The following IGSF10 variants were observed in gnomAD, a reference collection of about 807,000 sequenced individuals.
The protein encoded by IGSF10 is calvaria mechanical force protein 608.
IGSF10 carries 126 observed loss-of-function variants against 128.2 expected under a neutral mutation model. The observed-to-expected ratio is 0.98, with a 90% CI of 0.85 to 1.14. The LOEUF (loss-of-function observed/expected upper bound fraction) is 1.14, where lower values mean the gene tolerates loss of function less well. IGSF10 is among the 50% of genes most tolerant of loss of function. The probability of loss-of-function intolerance (pLI) is 0.00; values close to 1 mark genes in which losing one functional copy is unlikely to be tolerated. For missense variants in IGSF10, 3,295 were observed against 3,149.8 expected (o/e 1.05, Z -1.10); for synonymous variants, 1,185 against 1,146.2 (o/e 1.03, Z -0.68).
intron 7 of IGSF10, among the ~76,000 whole-genome samples, chr3:151,438,899 G>A (rs937127): frequency 0.86 from 130,212 of 151,678 alleles, 56,167 homozygotes; most frequent in Middle Eastern, 0.97. Context: ...TAACTAGCAT[G>A]TCCATCACCT....
In IGSF10 at chr3:151,453,431, C is replaced by A; in HGVS notation, c.668G>T (p.Cys223Phe). The A allele has an allele frequency of 1.2e-6, 2 of 1,610,746 alleles. No homozygotes were observed. Among genetic ancestry groups the A allele is most frequent in the South Asian group, 2.2e-5 (2 of 89,984 alleles). Residue 223 changes from cysteine (C) to phenylalanine (F), a missense_variant, in exon 5 of 8, where the codon TGT becomes TTT. Physicochemically the swap from Cys to Phe is radical, Grantham distance 205. Coordinates refer to ENST00000282466, the MANE Select transcript of IGSF10 (RefSeq NM_178822.5). The stretch of plus-strand genomic sequence containing the variant: ...AGACAACCACTTTAAATGGCAATCA[C>A]AGGTCCATGGGTTTCCATGCAGGTA... ...SLYLHGNPWTCDCHLKWLSDW... is the reference protein window; with the variant it reads ...SLYLHGNPWTFDCHLKWLSDW...
chr3:151,614,564 C>T, the IGSF10 span, among the ~76,000 whole-genome samples: 16 of 151,956 alleles, frequency 1.1e-4, no homozygotes, highest in Non-Finnish European at 1.6e-4. Flanking sequence ...AGCAAACTAT[C>T]GCAAGGACAA....
chr3:151,444,957 T>C lies in IGSF10; in HGVS notation c.5024A>G (p.Asn1675Ser). 2 of 1,613,248 alleles carry C rather than the reference T, an allele frequency of 1.2e-6. No homozygotes were observed. The highest frequency in any genetic ancestry group is 1.1e-5 in the South Asian group (1 of 90,778). The change falls in exon 6 of 8, where the codon AAT becomes AGT. Residue 1675 changes from asparagine to serine, a missense_variant. Physicochemically the swap from Asn to Ser is conservative, Grantham distance 46. Transcript: ENST00000282466. ...GGTCCAATGAATGGTGGGCAGGGGA[T>C]TTCCAACAGCTTCACAGGGAAGAAA... ...DAFLPCEAVG[N>S]PLPTIHWTRV... is the part of the protein sequence containing the mutation.
At chr3:151,512,320 G>A in the IGSF10 span, among the ~76,000 whole-genome samples, 52,582 of 151,844 alleles carry the variant, frequency 0.35, 9,487 homozygotes, top group Middle Eastern at 0.45. Context: ...ACTCAAAACC[G>A]CTCAACTACA....
At chr3:151,443,992 A>G in intron 6 of IGSF10, 108 bp from the exon 7 acceptor site, 1 of 866,074 alleles carries the variant, frequency 1.2e-6, no homozygotes, top group Non-Finnish European at 1.7e-6. Context: ...TTAAAATGAA[A>G]GCCCAGCCCT....
the IGSF10 span, among the ~76,000 whole-genome samples, chr3:151,563,077 C>T: frequency 2.0e-5 from 3 of 151,266 alleles, no homozygotes; most frequent in African/African-American, 7.3e-5. Context: ...TTGGCCACTC[C>T]CGGATTCCTT....
downstream of IGSF10, chr3:151,435,245 T>A (rs1720010655): frequency 2.4e-5 from 1 of 41,112 alleles, no homozygotes; most frequent in Non-Finnish European, 4.7e-5. Flanking sequence ...TGGAGTCAGC[T>A]ATACCTATCA....
In IGSF10 at chr3:151,447,896, AC is replaced by A. The variant is rs1401266681; in HGVS notation, c.2084del (p.Gly695ValfsTer9). The A allele has an allele frequency of 6.2e-7, 1 of 1,614,030 alleles. No individual in the cohort carries two copies. Among genetic ancestry groups the A allele is most frequent in the Non-Finnish European group, 8.5e-7 (1 of 1,179,994 alleles). On this transcript the variant is annotated frameshift_variant, in exon 6 of 8. Coordinates refer to ENST00000282466, the MANE Select transcript of IGSF10 (RefSeq NM_178822.5). LOFTEE classifies it high-confidence loss of function. ...NPIAHLKEPP[G>X]AQLRTSALME... Reference sequence around the variant, plus strand: ...TCAGAGCAGATGTACGGAGTTGTGCACCTGGTGGCTCCTTAAGATGAGCAAT... The same window carrying A: ...TCAGAGCAGATGTACGGAGTTGTGCACTGGTGGCTCCTTAAGATGAGCAAT...
the IGSF10 span, among the ~76,000 whole-genome samples, chr3:151,515,221 A>G: frequency 1.3e-5 from 2 of 151,930 alleles, no homozygotes; most frequent in South Asian, 2.1e-4. Flanking sequence ...ACCAACCCAA[A>G]TGTCCAACAA....
At chr3:151,510,468 C>T in the IGSF10 span, among the ~76,000 whole-genome samples, 3,497 of 152,154 alleles carry the variant, frequency 0.023, 101 homozygotes, top group East Asian at 0.063. Context: ...CCCATCTGTA[C>T]GTCACCATCA....
At chr3:151,498,677 A>G in the IGSF10 span, among the ~76,000 whole-genome samples, 1 of 152,160 alleles carries the variant, frequency 6.6e-6, no homozygotes, top group Non-Finnish European at 1.5e-5. Context: ...GACAAATTGA[A>G]AATTTACACA....
chr3:151,583,354 A>G, the IGSF10 span, among the ~76,000 whole-genome samples: 2 of 152,216 alleles, frequency 1.3e-5, no homozygotes, highest in African/African-American at 4.8e-5. Flanking sequence ...TAAGCATAGT[A>G]ATAGCCAAAT....
At chr3:151,617,320 C>CTTCTTCT in the IGSF10 span, among the ~76,000 whole-genome samples, 9,726 of 83,518 alleles carry the variant, frequency 0.12, 1,442 homozygotes, top group Non-Finnish European at 0.13. Context: ...CTTCTTCTTC[C>CTTCTTCT]CCTCCTCCTC....
chr3:151,450,130 C>G (rs1024546654), intron 5 of IGSF10, among the ~76,000 whole-genome samples: 1 of 152,150 alleles, frequency 6.6e-6, no homozygotes, highest in Admixed American at 6.5e-5. Flanking sequence ...TTATAAGGAC[C>G]AGCATTTCTA....
the IGSF10 span, among the ~76,000 whole-genome samples, chr3:151,527,142 G>C: frequency 6.6e-6 from 1 of 152,070 alleles, no homozygotes; most frequent in Non-Finnish European, 1.5e-5. Flanking sequence ...TTTTCCTTTA[G>C]AATATTATAC....
chr3:151,595,627 GTGACAACATGAATGAACA>G, the IGSF10 span, among the ~76,000 whole-genome samples: 1 of 149,946 alleles, frequency 6.7e-6, no homozygotes, highest in South Asian at 2.1e-4. Flanking sequence ...CCTGTCATTC[GTGACAACATGAATGAACA>G]TGGAGGACAT....
intron 4 of IGSF10, among the ~76,000 whole-genome samples, chr3:151,456,493 C>T (rs1037338038): frequency 6.6e-6 from 1 of 152,184 alleles, no homozygotes; most frequent in Non-Finnish European, 1.5e-5. Flanking sequence ...TGCATTTCCT[C>T]ATGTTCCCTT....
At chr3:151,463,789 C>T (rs956797519), upstream of IGSF10, among the ~76,000 whole-genome samples, 2 of 151,814 alleles carry the variant, frequency 1.3e-5, no homozygotes, top group African/African-American at 4.8e-5. Context: ...AATTTGAGAC[C>T]AGCCTGGTCA....
chr3:151,495,999 A>G, the IGSF10 span, among the ~76,000 whole-genome samples: 1 of 152,154 alleles, frequency 6.6e-6, no homozygotes, highest in Non-Finnish European at 1.5e-5. Context: ...ACCTATGATT[A>G]AGGTTCAGTC....
Sources: gnomAD v4.1 joint callset for allele counts (sites outside exome capture counted in the v4.1 genomes callset) on GRCh38, gnomAD v4.1.1 for gene constraint, MANE v1.5 for transcripts, NCBI Gene and HGNC (gene_info 2026-07-23, HGNC 2026-07-21) for gene names.